The following NR3C2 variants were observed in gnomAD, a reference collection of about 807,000 sequenced individuals.
The protein encoded by NR3C2 is nuclear receptor subfamily 3 group C member 2.
NR3C2 carries 15 observed loss-of-function variants against 86.4 expected under a neutral mutation model. The observed-to-expected ratio is 0.17, with a 90% CI of 0.12 to 0.27. NR3C2 has a LOEUF of 0.27. NR3C2 is among the 10% of genes least tolerant of loss of function. The pLI is 1.00. For synonymous variants in NR3C2, 458 were observed against 450.5 expected, an observed-to-expected ratio of 1.02 and a Z score of -0.21; for missense variants, 960 against 1,195.6, an observed-to-expected ratio of 0.80 and a Z score of 2.91.
intron 2 of NR3C2, among the ~76,000 whole-genome samples, chr4:148,351,639 C>A (rs1000076126): frequency 6.6e-6 from 1 of 152,150 alleles, no homozygotes; most frequent in Non-Finnish European, 1.5e-5. Context: ...GAGAGCAGGG[C>A]GAGGGCAGCA....
chr4:148,319,201 A>G (rs1050349646), intron 2 of NR3C2, among the ~76,000 whole-genome samples: 8 of 151,798 alleles, frequency 5.3e-5, no homozygotes, highest in African/African-American at 1.9e-4. Flanking sequence ...ATGTGGCATT[A>G]TTTCTGAGGG....
At chr4:148,130,854 C>T (rs1317046536) in intron 6 of NR3C2, among the ~76,000 whole-genome samples, 30 of 127,774 alleles carry the variant, frequency 2.3e-4, no homozygotes, top group Admixed American at 6.4e-4. Context: ...GACAGAGTCT[C>T]GCTCTATCGC....
At chr4:148,173,703 T>G (rs902651099) in intron 4 of NR3C2, among the ~76,000 whole-genome samples, 1 of 152,216 alleles carries the variant, frequency 6.6e-6, no homozygotes, top group Admixed American at 6.5e-5. Context: ...GTAAACTAAT[T>G]CCCACAGGAA....
At chr4:148,418,309 C>CT (rs1749110291) in intron 2 of NR3C2, among the ~76,000 whole-genome samples, 1 of 152,110 alleles carries the variant, frequency 6.6e-6, no homozygotes. Context: ...GTGCTATTTG[C>CT]TTTACTGCCC....
At chr4:148,254,100 T>C (rs542963679) in intron 3 of NR3C2, among the ~76,000 whole-genome samples, 1 of 152,232 alleles carries the variant, frequency 6.6e-6, no homozygotes, top group East Asian at 1.9e-4. Context: ...TCTCAATCCC[T>C]GATAGCCCTG....
chr4:148,221,627 TCACGCC>T, intron 3 of NR3C2, among the ~76,000 whole-genome samples: 1 of 152,170 alleles, frequency 6.6e-6, no homozygotes, highest in Non-Finnish European at 1.5e-5. Flanking sequence ...GTGCGGTGGC[TCACGCC>T]TGTAATCCCA....
intron 3 of NR3C2, among the ~76,000 whole-genome samples, chr4:148,251,554 C>T (rs908335299): frequency 2.0e-5 from 3 of 152,142 alleles, no homozygotes; most frequent in Admixed American, 1.3e-4. Flanking sequence ...GAGCTAGTAG[C>T]ATTCAGCTTT....
At chr4:148,332,735 AAT>A (rs1744290333) in intron 2 of NR3C2, among the ~76,000 whole-genome samples, 2 of 152,180 alleles carry the variant, frequency 1.3e-5, no homozygotes. Context: ...CACATGGTGC[AAT>A]GGAGTGTTAG....
intron 3 of NR3C2, among the ~76,000 whole-genome samples, chr4:148,247,578 A>G (rs1216252109): frequency 6.6e-6 from 1 of 151,732 alleles, no homozygotes; most frequent in Non-Finnish European, 1.5e-5. Flanking sequence ...TGATTTAAAA[A>G]ATAGAAGCAC....
intron 2 of NR3C2, among the ~76,000 whole-genome samples, chr4:148,277,955 G>C (rs888906931): frequency 6.6e-6 from 1 of 152,332 alleles, no homozygotes; most frequent in East Asian, 1.9e-4. Flanking sequence ...ATCCTCCAGG[G>C]AAACAACATG....
intron 6 of NR3C2, among the ~76,000 whole-genome samples, chr4:148,126,853 T>G (rs140201641): frequency 1.1e-4 from 17 of 152,350 alleles, no homozygotes; most frequent in Non-Finnish European, 2.4e-4. Flanking sequence ...TGAGGAATTA[T>G]TCTCATATTC....
chr4:148,322,480 A>C (rs201282568), intron 2 of NR3C2, among the ~76,000 whole-genome samples: 1,140 of 105,826 alleles, frequency 0.011, 126 homozygotes, highest in East Asian at 0.075. Flanking sequence ...GTGCTTTCCA[A>C]CTTGGTTCCA....
intron 2 of NR3C2, among the ~76,000 whole-genome samples, chr4:148,433,858 G>T (rs1039798618): frequency 2.0e-5 from 3 of 152,154 alleles, no homozygotes; most frequent in African/African-American, 7.2e-5. Context: ...CATGACTTGT[G>T]TTAGAACTTA....
chr4:148,220,896 C>T (rs961050505), intron 3 of NR3C2, among the ~76,000 whole-genome samples: 3 of 152,186 alleles, frequency 2.0e-5, no homozygotes, highest in Non-Finnish European at 4.4e-5. Flanking sequence ...AGGAGAGGTG[C>T]AACACACAAG....
At chr4:148,235,086 C>CA (rs1393349595) in intron 3 of NR3C2, among the ~76,000 whole-genome samples, 6 of 152,084 alleles carry the variant, frequency 3.9e-5, no homozygotes, top group African/African-American at 1.4e-4. Context: ...GGAGGGTCCT[C>CA]ATTAGAAACT....
At chr4:148,261,319 G>C (rs539458792) in intron 2 of NR3C2, among the ~76,000 whole-genome samples, 22 of 147,042 alleles carry the variant, frequency 1.5e-4, no homozygotes, top group South Asian at 1.1e-3. Context: ...TATGGTAAGC[G>C]CTATGGTGCG....
chr4:148,352,374 ATC>A (rs1745328505), intron 2 of NR3C2, among the ~76,000 whole-genome samples: 1 of 12,388 alleles, frequency 8.1e-5, no homozygotes, highest in Non-Finnish European at 1.5e-4. Context: ...AACTCCTATC[ATC>A]TATCTATCTA....
intron 4 of NR3C2, among the ~76,000 whole-genome samples, chr4:148,175,640 CAT>C (rs1445313025): frequency 6.6e-6 from 1 of 152,126 alleles, no homozygotes; most frequent in African/African-American, 2.4e-5. Flanking sequence ...ATCTAATTAA[CAT>C]ATGAAAATGT....
At chr4:148,214,083 A>G (rs1439242506) in intron 3 of NR3C2, among the ~76,000 whole-genome samples, 1 of 152,254 alleles carries the variant, frequency 6.6e-6, no homozygotes, top group Non-Finnish European at 1.5e-5. Context: ...AATCAAATTC[A>G]TCTGCTCACT....
Sources: allele counts gnomAD v4.1 joint callset (sites outside exome capture counted in the v4.1 genomes callset), GRCh38; gene constraint gnomAD v4.1.1; transcripts MANE v1.5; gene names NCBI Gene and HGNC (gene_info 2026-07-23, HGNC 2026-07-21).